Variants in C1QTNF3 observed in about 807,000 individuals in gnomAD.
C1QTNF3 encodes C1q and TNF related 3.
A neutral mutation model predicts 32.6 loss-of-function variants in C1QTNF3; 26 were observed. The observed-to-expected ratio is 0.80, with a 90% CI of 0.58 to 1.11. The LOEUF is 1.11. C1QTNF3 is among the 50% of genes least tolerant of loss of function. The probability of loss-of-function intolerance (pLI) is 0.00; values close to 1 mark genes in which losing one functional copy is unlikely to be tolerated. For missense variants in C1QTNF3, 362 were observed against 398.2 expected (o/e 0.91, Z 0.77); for synonymous variants, 155 against 146.0 (o/e 1.06, Z -0.44).
chr5:34,066,628 T>A, the C1QTNF3 span, among the ~76,000 whole-genome samples: 157 of 152,076 alleles, frequency 1.0e-3, 1 homozygote, highest in Middle Eastern at 0.017. Context: ...TTAAAATAAA[T>A]AATAAAACTG....
chr5:34,211,698 A>G, the C1QTNF3 span, among the ~76,000 whole-genome samples: 1 of 151,852 alleles, frequency 6.6e-6, no homozygotes, highest in Non-Finnish European at 1.5e-5. Context: ...AATTTCATCC[A>G]TGTCCCTACA....
chr5:34,080,726 T>C, the C1QTNF3 span, among the ~76,000 whole-genome samples: 6 of 151,772 alleles, frequency 4.0e-5, no homozygotes, highest in Non-Finnish European at 7.3e-5. Context: ...ATATTTGACC[T>C]GTGAAAAATT....
the C1QTNF3 span, among the ~76,000 whole-genome samples, chr5:34,071,066 G>T: frequency 6.6e-6 from 1 of 152,168 alleles, no homozygotes; most frequent in Non-Finnish European, 1.5e-5. Flanking sequence ...ATTCTTGAAA[G>T]ACAGCCCCAG....
At chr5:34,021,352 G>GGTA (rs1373424639) in intron 5 of C1QTNF3, among the ~76,000 whole-genome samples, 2 of 152,170 alleles carry the variant, frequency 1.3e-5, no homozygotes, top group Non-Finnish European at 2.9e-5. Context: ...ATGCCTGTAG[G>GGTA]GTAAGAAAGG....
chr5:34,172,892 C>T, the C1QTNF3 span, among the ~76,000 whole-genome samples: 1 of 152,148 alleles, frequency 6.6e-6, no homozygotes. Context: ...GTTTATTTTG[C>T]CATCATAAAC....
At chr5:34,102,458 T>C in the C1QTNF3 span, among the ~76,000 whole-genome samples, 1 of 152,148 alleles carries the variant, frequency 6.6e-6, no homozygotes, top group Non-Finnish European at 1.5e-5. Context: ...ATTCCATAAG[T>C]TTTATAAAAA....
chr5:34,037,696 C>A (rs76354760), intron 1 of C1QTNF3, among the ~76,000 whole-genome samples: 1 of 152,280 alleles, frequency 6.6e-6, no homozygotes, highest in East Asian at 1.9e-4. Context: ...TCTATGAAAA[C>A]CTTCTGTCAA....
chr5:34,156,863 G>T, the C1QTNF3 span, among the ~76,000 whole-genome samples: 63 of 152,174 alleles, frequency 4.1e-4, no homozygotes, highest in African/African-American at 1.4e-3. Flanking sequence ...AGATAGTCAT[G>T]TCTGGCCTAG....
chr5:34,197,366 T>C, the C1QTNF3 span, among the ~76,000 whole-genome samples: 1 of 152,146 alleles, frequency 6.6e-6, no homozygotes, highest in Non-Finnish European at 1.5e-5. Flanking sequence ...AAGGGTAATA[T>C]TAACAGTATG....
chr5:34,035,987 C>T (rs926452231), intron 1 of C1QTNF3, among the ~76,000 whole-genome samples: 1 of 148,786 alleles, frequency 6.7e-6, no homozygotes, highest in African/African-American at 2.5e-5. Flanking sequence ...GAGGAAGATG[C>T]TCTTTGAAAA....
chr5:34,160,250 C>G, the C1QTNF3 span, among the ~76,000 whole-genome samples: 1 of 152,146 alleles, frequency 6.6e-6, no homozygotes, highest in African/African-American at 2.4e-5. Flanking sequence ...GGACAGAACA[C>G]CTGTCTAACA....
At chr5:34,213,646 C>T in the C1QTNF3 span, among the ~76,000 whole-genome samples, 3 of 146,684 alleles carry the variant, frequency 2.0e-5, no homozygotes, top group African/African-American at 5.1e-5. Flanking sequence ...TTTAAATGTG[C>T]AAAACCTATT....
the C1QTNF3 span, among the ~76,000 whole-genome samples, chr5:34,080,314 A>T: frequency 6.6e-6 from 1 of 151,768 alleles, no homozygotes; most frequent in East Asian, 1.9e-4. Context: ...TCAGGATTAG[A>T]GATGAAAAGA....
At chr5:34,154,737 AAGAG>A in the C1QTNF3 span, among the ~76,000 whole-genome samples, 1 of 151,980 alleles carries the variant, frequency 6.6e-6, no homozygotes, top group Non-Finnish European at 1.5e-5. Context: ...GGACATGATA[AAGAG>A]AGAGAGAGCT....
chr5:34,175,858 G>C, the C1QTNF3 span: 33 of 795,312 alleles, frequency 4.1e-5, no homozygotes, highest in South Asian at 4.4e-4. Flanking sequence ...TTCCAGATGA[G>C]CTCTCCAACC....
chr5:34,230,871 ATTC>A, the C1QTNF3 span, among the ~76,000 whole-genome samples: 37 of 152,156 alleles, frequency 2.4e-4, no homozygotes, highest in Non-Finnish European at 2.2e-4. Flanking sequence ...CATTGAACAT[ATTC>A]TTGTTTTTAA....
At chr5:34,156,547 T>C in the C1QTNF3 span, among the ~76,000 whole-genome samples, 1 of 152,210 alleles carries the variant, frequency 6.6e-6, no homozygotes, top group Non-Finnish European at 1.5e-5. Context: ...TATGTAATTA[T>C]ATTATGAGAA....
At chr5:34,197,728 A>T in the C1QTNF3 span, among the ~76,000 whole-genome samples, 8 of 151,986 alleles carry the variant, frequency 5.3e-5, no homozygotes, top group Admixed American at 2.6e-4. Context: ...TCCATGTCTT[A>T]GTTTGTTTGC....
chr5:34,076,051 ATG>A, the C1QTNF3 span, among the ~76,000 whole-genome samples: 1 of 151,728 alleles, frequency 6.6e-6, no homozygotes, highest in African/African-American at 2.4e-5. Flanking sequence ...TTACACATGT[ATG>A]AGGTAGCTAG....
Sources: allele counts gnomAD v4.1 joint callset (sites outside exome capture counted in the v4.1 genomes callset), GRCh38; gene constraint gnomAD v4.1.1; transcripts MANE v1.5; gene names NCBI Gene and HGNC (gene_info 2026-07-23, HGNC 2026-07-21).